WTAP: variants seen among roughly 807,000 people sequenced by gnomAD.
The protein encoded by WTAP is WT1 associated protein.
Under a neutral mutation model 50.0 loss-of-function variants are expected in WTAP, and 8 were observed. The observed-to-expected ratio is 0.16, with a 90% CI of 0.09 to 0.29. The LOEUF is 0.29. Among genes scored for constraint, WTAP ranks in the 10% least tolerant of loss-of-function variants. The pLI, the probability that WTAP is intolerant of heterozygous loss-of-function variation, is 1.00. For synonymous variants in WTAP, 194 were observed against 169.0 expected (o/e 1.15, Z -1.15); for missense variants, 295 against 470.7 (o/e 0.63, Z 3.45).
At chr6:159,745,166 TAGA>T (rs1408217362) in intron 5 of WTAP, 1 of 152,218 alleles carries the variant, frequency 6.6e-6, no homozygotes, top group East Asian at 1.9e-4. Context: ...AGAGTGTGAA[TAGA>T]AGGTGTTGAT....
chr6:159,738,565 A>G (rs1438526861), intron 2 of WTAP, among the ~76,000 whole-genome samples: 1 of 152,204 alleles, frequency 6.6e-6, no homozygotes, highest in African/African-American at 2.4e-5. Context: ...TTTGAGATAC[A>G]TGTTTAAGAG....
Position 159,752,172 on chromosome 6 carries a change from G to A in WTAP, c.453-1288G>A, listed in dbSNP as rs141803330. Among the ~76,000 whole-genome samples, 910 of 152,194 alleles carry A rather than the reference G, an allele frequency of 6.0e-3. 9 individuals are homozygous for A. Among genetic ancestry groups the A allele is most frequent in the African/African-American group, 0.021 (881 of 41,512 alleles). ...TAAACTTATAAGGCATACTGAAGTA[G>A]TGTATCAGGCAAGTGAAAGCCTCAC... On this transcript the variant is annotated intron_variant, in intron 6 of 7. Transcript: ENST00000621533.
intron 5 of WTAP, among the ~76,000 whole-genome samples, chr6:159,746,702 T>G (rs1162606400): frequency 1.3e-5 from 2 of 152,218 alleles, no homozygotes; most frequent in Non-Finnish European, 2.9e-5. Context: ...ATCTGTCATT[T>G]TTGTTCACCT....
chr6:159,744,268 A>G (rs150960383), intron 5 of WTAP, among the ~76,000 whole-genome samples: 5 of 152,290 alleles, frequency 3.3e-5, no homozygotes, highest in South Asian at 2.1e-4. Context: ...AGTATTTACT[A>G]TGTCTACGTA....
intron 5 of WTAP, among the ~76,000 whole-genome samples, chr6:159,744,757 T>C (rs1366898459): frequency 4.6e-5 from 7 of 152,180 alleles, no homozygotes; most frequent in Non-Finnish European, 1.0e-4. Flanking sequence ...GGCCTCTCTC[T>C]CATCCAGGCT....
At chr6:159,746,408 G>A (rs138863880) in intron 5 of WTAP, among the ~76,000 whole-genome samples, 283 of 152,294 alleles carry the variant, frequency 1.9e-3, no homozygotes, top group African/African-American at 6.4e-3. Flanking sequence ...CAGAGCTGCT[G>A]CATTTACCCT....
intron 3 of WTAP, 24 bp downstream of exon 3, chr6:159,739,069 CAA>C: frequency 6.3e-7 from 1 of 1,580,084 alleles, no homozygotes. Context: ...TGTTCAAAAA[CAA>C]AGTCTTTCTA....
chr6:159,742,274 G>GCCTATGTA, intron 4 of WTAP, 128 bp downstream of exon 4: 1 of 705,670 alleles, frequency 1.4e-6, no homozygotes, highest in Non-Finnish European at 2.3e-6. Context: ...CTGTACATAG[G>GCCTATGTA]CACTGTGTTG....
At chr6:159,753,946 C>G (rs920734928) in intron 7 of WTAP, among the ~76,000 whole-genome samples, 1 of 152,140 alleles carries the variant, frequency 6.6e-6, no homozygotes, top group South Asian at 2.1e-4. Flanking sequence ...GGAGAATAAG[C>G]ATTTCTCGTT....
intron 6 of WTAP, among the ~76,000 whole-genome samples, chr6:159,751,621 T>C (rs140579302): frequency 5.9e-5 from 9 of 152,340 alleles, no homozygotes; most frequent in Non-Finnish European, 1.0e-4. Context: ...AATAAAGTTA[T>C]CATATCAAAG....
intron 6 of WTAP, 116 bp from the exon 7 acceptor site, chr6:159,753,344 A>C: frequency 7.4e-7 from 1 of 1,352,598 alleles, no homozygotes; most frequent in Non-Finnish European, 1.0e-6. Context: ...ATTATGGGGA[A>C]GCATCTGCTG....
chr6:159,749,035 A>C (rs1056687608), intron 6 of WTAP: 6 of 995,724 alleles, frequency 6.0e-6, no homozygotes, highest in Non-Finnish European at 7.2e-6. Context: ...CATATATTTA[A>C]CCATTTAGTT....
rs1226487349 is a variant in WTAP at position 159,748,069 on chromosome 6, A to T, written c.274-122A>T. ...TAAGATTTTTCTAGAGAATTTCAGG[A>T]TCAAAGAGGGGAGGAGCTTAATGAA... On this transcript the variant is annotated intron_variant, in intron 5 of 7. Coordinates refer to ENST00000621533, the MANE Select transcript of WTAP (RefSeq NM_001270531.2). This position sits in a 1 kb window ranked among gnomAD's most constrained non-coding sequence, Gnocchi z 5.6. 3.2e-6 allele frequency: 4 copies of T among 1,243,596 alleles called. No individual in the cohort carries two copies. Among genetic ancestry groups the T allele is most frequent in the Non-Finnish European group, 4.4e-6 (4 of 908,198 alleles). The allele number at this position is 1,243,596 out of a possible 1,614,324, so 77.0% of individuals were successfully genotyped here.
chr6:159,748,560 T>A lies in WTAP; in HGVS notation c.452+191T>A. On this transcript the variant is annotated intron_variant, in intron 6 of 7. Transcript: ENST00000621533. The surrounding 1 kb of genome is among the most constrained non-coding windows in gnomAD (Gnocchi z 5.6). ...TACCAGATGAACCTTGTGTTTCAGC[T>A]TTTTTCTTTTCCCCTTCCCCTTGCT... 2 of 1,354,910 alleles carry A rather than the reference T, an allele frequency of 1.5e-6. No homozygotes were observed. The highest frequency in any genetic ancestry group is 9.5e-7 in the Non-Finnish European group (1 of 1,051,030). The allele number at this position is 1,354,910 out of a possible 1,614,324, so 83.9% of individuals were successfully genotyped here.
intron 2 of WTAP, among the ~76,000 whole-genome samples, chr6:159,738,317 A>G (rs888492250): frequency 1.3e-5 from 2 of 152,230 alleles, no homozygotes; most frequent in South Asian, 2.1e-4. Flanking sequence ...AGTGTTATAT[A>G]AATGTAATCA....
At chr6:159,746,101 G>C (rs1779559143) in intron 5 of WTAP, among the ~76,000 whole-genome samples, 1 of 152,170 alleles carries the variant, frequency 6.6e-6, no homozygotes, top group African/African-American at 2.4e-5. Context: ...TAAAACAAAG[G>C]CATACATAAA....
intron 5 of WTAP, among the ~76,000 whole-genome samples, chr6:159,745,715 A>T (rs1779535755): frequency 6.6e-6 from 1 of 152,202 alleles, no homozygotes; most frequent in Non-Finnish European, 1.5e-5. Context: ...ATTTAGATTT[A>T]CATTTTAGGT....
rs778037990 is a variant in WTAP, at chr6:159,742,049, TTTATC to T, written c.87-38_87-34del. The T allele has an allele frequency of 5.6e-6, 8 of 1,417,170 alleles. 1 individual carries two copies. The South Asian group carries it at 7.3e-5, about 13-fold the overall frequency. 87.8% of individuals were successfully genotyped at this position (1,417,170 alleles called of 1,614,324 possible). On this transcript the variant is annotated intron_variant, in intron 3 of 7. Coordinates refer to ENST00000621533, the MANE Select transcript of WTAP (RefSeq NM_001270531.2). ...TCTTCTAGTTTATTTAATAAACTAT[TTTATC>T]GTAACAACTAATGTATGGATTTTTT...
At position 159,738,843 on chromosome 6, in the gene WTAP, AC is replaced by A. The variant is rs972063985; in HGVS notation, c.31-146del. 86 of 508,336 alleles carry A rather than the reference AC, an allele frequency of 1.7e-4. 1 individual carries two copies. Among genetic ancestry groups the A allele is most frequent in the African/African-American group, 1.6e-3 (80 of 50,244 alleles). 31.5% of individuals were successfully genotyped at this position (508,336 alleles called of 1,614,324 possible). A position where few individuals can be genotyped will look rare whatever the true frequency, so the allele number is the denominator to read the frequency against. ...AAATAGTTTACCTTAAAAAAAAAAA[AC>A]TTTTGTAATAAAATACTTTTTCAAA... On this transcript the variant is annotated intron_variant, in intron 2 of 7. Transcript: ENST00000621533.
Sources: gnomAD v4.1 joint callset for allele counts (sites outside exome capture counted in the v4.1 genomes callset) on GRCh38, gnomAD v4.1.1 for gene constraint, Gnocchi (gnomAD v3.1) non-coding constraint, MANE v1.5 for transcripts, NCBI Gene and HGNC (gene_info 2026-07-23, HGNC 2026-07-21) for gene names.